The following CACNG8 variants were observed in gnomAD, a reference collection of about 807,000 sequenced individuals.
CACNG8 encodes the protein calcium voltage-gated channel auxiliary subunit gamma 8.
A neutral mutation model predicts 26.9 loss-of-function variants in CACNG8; 5 were observed. The observed-to-expected ratio is 0.19, with a 90% CI of 0.10 to 0.39. CACNG8 has a LOEUF of 0.39. CACNG8 is among the 10% of genes least tolerant of loss of function. The pLI is 1.00. For synonymous variants in CACNG8, 321 were observed against 296.7 expected (o/e 1.08, Z -0.84); for missense variants, 473 against 609.4 (o/e 0.78, Z 2.36).
Position 53,982,521 on chromosome 19 carries a change from G to C in CACNG8, c.950G>C (p.Ser317Thr). 7.4e-6 allele frequency: 10 copies of C among 1,357,500 alleles called. No individual in the cohort carries two copies. Among genetic ancestry groups the C allele is most frequent in the Non-Finnish European group, 9.4e-6 (10 of 1,060,786 alleles). The allele number at this position is 1,357,500 out of a possible 1,614,324, so 84.1% of individuals were successfully genotyped here. A position where few individuals can be genotyped will look rare whatever the true frequency, so the allele number is the denominator to read the frequency against. ...CTCAGCCGCGACCCCTCCAAGGGCA[G>C]CGTGGCCGCGGGGCTGGCGGGGGCC... The change falls in exon 4 of 4, where the codon AGC becomes ACC. Residue 317 changes from serine to threonine, a missense_variant. Coordinates refer to ENST00000270458, the MANE Select transcript of CACNG8 (RefSeq NM_031895.6). The surrounding 1 kb of genome is among the most constrained non-coding windows in gnomAD (Gnocchi z 8.4).
chr19:53,981,993 C>A (rs970423339), intron 3 of CACNG8, 87 bp from the exon 4 acceptor site: 1 of 1,336,640 alleles, frequency 7.5e-7, no homozygotes, highest in African/African-American at 2.1e-5. Context: ...CCTGGGCCCG[C>A]TGGCGCAGGC....
rs1483800765 is a variant in CACNG8, at chr19:53,986,885, A to AG, written c.*4036_*4037insG. ...CCAGAGGCAGCCCCAAAGCCCAGAA[A>AG]AGTAGCAGGTCTTCGAGGAGGCCTG... On this transcript the variant is annotated 3_prime_UTR_variant, in exon 4 of 4. Transcript: ENST00000270458. 5 of 152,098 alleles carry AG rather than the reference A, an allele frequency of 3.3e-5. No individual in the cohort carries two copies. Among genetic ancestry groups the AG allele is most frequent in the African/African-American group, 1.2e-4 (5 of 41,328 alleles). 9.4% of individuals were successfully genotyped at this position (152,098 alleles called of 1,614,324 possible). A position where few individuals can be genotyped will look rare whatever the true frequency, so the allele number is the denominator to read the frequency against.
rs1335289045 is a variant in CACNG8, at chr19:53,963,355, C to G, written c.213C>G (p.Gly71=). 1 of 1,591,780 alleles carries G rather than the reference C, an allele frequency of 6.3e-7. No individual in the cohort carries two copies. The highest frequency in any genetic ancestry group is 1.1e-5 in the South Asian group (1 of 90,070). ...ACGGGACCCCCCACCGCGGGGGCGG[C>G]GGCGCCTCGGAGAAGAAGGACCCCG... The change falls in exon 1 of 4, where the codon GGC becomes GGG. Residue 71 remains glycine (G), a synonymous_variant. Transcript: ENST00000270458.
intron 1 of CACNG8, among the ~76,000 whole-genome samples, chr19:53,966,308 G>T (rs183222148): frequency 2.0e-5 from 3 of 151,910 alleles, no homozygotes; most frequent in Non-Finnish European, 4.4e-5. Flanking sequence ...GGCTGGTCTC[G>T]AACTTCTGAC....
chr19:53,966,138 A>T (rs2069271386), intron 1 of CACNG8, among the ~76,000 whole-genome samples: 1 of 152,120 alleles, frequency 6.6e-6, no homozygotes, highest in African/African-American at 2.4e-5. Context: ...CCCAAGCTGT[A>T]GTGCAGTGGC....
chr19:53,979,805 G>A (rs2069353153), intron 2 of CACNG8, 62 bp from the exon 3 acceptor site: 9 of 1,497,042 alleles, frequency 6.0e-6, no homozygotes, highest in Non-Finnish European at 8.1e-6. Flanking sequence ...GGAAGGGGGC[G>A]CAGGCGGCCG....
intron 2 of CACNG8, 88 bp downstream of exon 2, chr19:53,978,317 G>C: frequency 1.0e-6 from 1 of 973,524 alleles, no homozygotes; most frequent in East Asian, 2.6e-5. Context: ...AAAGGCACTG[G>C]GACTCCGGCA....
At chr19:53,979,638 G>A (rs953232696) in intron 2 of CACNG8, among the ~76,000 whole-genome samples, 1 of 152,092 alleles carries the variant, frequency 6.6e-6, no homozygotes, top group East Asian at 1.9e-4. Context: ...GAAGAAAAAA[G>A]AAAAGGACAA....
Position 53,987,598 on chromosome 19 carries a change from G to A in CACNG8, c.*4749G>A, listed in dbSNP as rs898841286. 6.6e-6 allele frequency: 1 copy of A among 152,266 alleles called. No individual in the cohort carries two copies. The highest frequency in any genetic ancestry group is 2.4e-5 in the African/African-American group (1 of 41,366). The allele number at this position is 152,266 out of a possible 1,614,324, so 9.4% of individuals were successfully genotyped here. ...GAACTGGATGTCATAGAGGAGGGAA[G>A]GAAAAGGAACCAGGAAGAGAAGAAC... is the stretch of plus-strand genomic sequence containing the variant. On this transcript the variant is annotated 3_prime_UTR_variant, in exon 4 of 4. Coordinates refer to ENST00000270458, the MANE Select transcript of CACNG8 (RefSeq NM_031895.6).
At chr19:53,979,796 G>A (rs1004348122) in intron 2 of CACNG8, 71 bp from the exon 3 acceptor site, 2 of 1,483,760 alleles carry the variant, frequency 1.3e-6, no homozygotes, top group South Asian at 1.3e-5. Context: ...GGGGGGCCGG[G>A]AAGGGGGCGC....
intron 1 of CACNG8, among the ~76,000 whole-genome samples, chr19:53,968,096 T>C (rs2069281499): frequency 6.6e-6 from 1 of 151,922 alleles, no homozygotes; most frequent in African/African-American, 2.4e-5. Context: ...AAGAGACAGT[T>C]GGGTGCAGTG....
chr19:53,980,076 G>GTA lies in CACNG8; in HGVS notation c.508+70_508+71insAT, dbSNP rs2069355688. The GTA allele has an allele frequency of 2.1e-6, 3 of 1,440,520 alleles. No individual in the cohort carries two copies. In the South Asian group the frequency reaches 4.2e-5, roughly 20 times the overall value. The allele number at this position is 1,440,520 out of a possible 1,614,324, so 89.2% of individuals were successfully genotyped here. ...CGCGCACGTGTGTGTGTGTGTGTGT[G>GTA]TGTGTGTGTGCGCGCGCGCGCGTGA... On this transcript the variant is annotated intron_variant, in intron 3 of 3. Coordinates refer to ENST00000270458, the MANE Select transcript of CACNG8 (RefSeq NM_031895.6).
rs2069414781 is a variant in CACNG8, at chr19:53,987,529, G to A, written c.*4680G>A. 1 of 152,688 alleles carries A rather than the reference G, an allele frequency of 6.5e-6. No individual in the cohort carries two copies. Among genetic ancestry groups the A allele is most frequent in the Non-Finnish European group, 1.5e-5 (1 of 68,124 alleles). 9.5% of individuals were successfully genotyped at this position (152,688 alleles called of 1,614,324 possible). A position where few individuals can be genotyped will look rare whatever the true frequency, so the allele number is the denominator to read the frequency against. ...TGGAGTTAGTGGGATGGAGGAAGTG[G>A]AAGAAGGCATGGGATTTTGGAGGCT... On this transcript the variant is annotated 3_prime_UTR_variant, in exon 4 of 4. Coordinates refer to ENST00000270458, the MANE Select transcript of CACNG8 (RefSeq NM_031895.6).
rs1443415701 is a variant in CACNG8 at position 53,982,750 on chromosome 19, C to T, written c.1179C>T (p.Pro393=). Residue 393 remains proline, a synonymous_variant, in exon 4 of 4, where the codon CCC becomes CCT. Transcript: ENST00000270458. The surrounding 1 kb of genome is among the most constrained non-coding windows in gnomAD (Gnocchi z 8.4). ...CCGGGCCGCCCGCCCCGCCCGCGCCCGCGCCACCCGCGCCCTCTGCGCCCG... is the reference window on the plus strand; with the variant it reads ...CCGGGCCGCCCGCCCCGCCCGCGCCTGCGCCACCCGCGCCCTCTGCGCCCG... 15 of 1,207,424 alleles carry T rather than the reference C, an allele frequency of 1.2e-5. No homozygotes were observed. The highest frequency in any genetic ancestry group is 3.7e-5 in the East Asian group (1 of 27,188). 74.8% of individuals were successfully genotyped at this position (1,207,424 alleles called of 1,614,324 possible).
chr19:53,972,717 A>G (rs1184599300), intron 1 of CACNG8, among the ~76,000 whole-genome samples: 3 of 152,126 alleles, frequency 2.0e-5, no homozygotes, highest in Non-Finnish European at 4.4e-5. Flanking sequence ...TCACACTACC[A>G]TCCTCAATTT....
Position 53,982,833 on chromosome 19 carries a change from A to C in CACNG8, c.1262A>C (p.Lys421Thr). ...TCCAACACCAACACGCTCAACAGGA[A>C]AACCACGCCTGTGTAGGGGCGCGGC... Residue 421 changes from lysine to threonine, a missense_variant, in exon 4 of 4, where the codon AAA becomes ACA. Lys to Thr is a moderately conservative substitution (Grantham distance 78). Coordinates refer to ENST00000270458, the MANE Select transcript of CACNG8 (RefSeq NM_031895.6). The surrounding 1 kb of genome is among the most constrained non-coding windows in gnomAD (Gnocchi z 8.4). The C allele has an allele frequency of 7.3e-7, 1 of 1,364,920 alleles. No individual in the cohort carries two copies. The highest frequency in any genetic ancestry group is 9.5e-7 in the Non-Finnish European group (1 of 1,052,074). The allele number at this position is 1,364,920 out of a possible 1,614,324, so 84.6% of individuals were successfully genotyped here. A position where few individuals can be genotyped will look rare whatever the true frequency, so the allele number is the denominator to read the frequency against.
chr19:53,980,746 T>C (rs941209786), intron 3 of CACNG8, among the ~76,000 whole-genome samples: 2 of 152,132 alleles, frequency 1.3e-5, no homozygotes, highest in Non-Finnish European at 2.9e-5. Context: ...AGCTAGGGCC[T>C]AGACGAGCAG....
rs1195149836 is a variant in CACNG8 at position 53,979,974 on chromosome 19, A to G, written c.475A>G (p.Ile159Val). Residue 159 changes from isoleucine to valine, a missense_variant, in exon 3 of 4, where the codon ATT (isoleucine) becomes GTT (valine). Coordinates refer to ENST00000270458, the MANE Select transcript of CACNG8 (RefSeq NM_031895.6). ...CGTCTACAAGTCCAAGAGGAACATCATTCTGGGCGCAGGGATCCTGTTCGT... is the reference window on the plus strand; with the variant it reads ...CGTCTACAAGTCCAAGAGGAACATCGTTCTGGGCGCAGGGATCCTGTTCGT... 7.4e-6 allele frequency: 12 copies of G among 1,612,006 alleles called. No individual in the cohort carries two copies. The highest frequency in any genetic ancestry group is 1.7e-5 in the Admixed American group (1 of 59,692).
intron 1 of CACNG8, among the ~76,000 whole-genome samples, chr19:53,964,780 G>A (rs2069262989): frequency 6.6e-6 from 1 of 152,088 alleles, no homozygotes; most frequent in African/African-American, 2.4e-5. Flanking sequence ...GGAAGCAGGA[G>A]TCTTGGGTGC....
Sources: gnomAD v4.1 joint callset for allele counts (sites outside exome capture counted in the v4.1 genomes callset) on GRCh38, gnomAD v4.1.1 for gene constraint, Gnocchi (gnomAD v3.1) non-coding constraint, MANE v1.5 for transcripts, NCBI Gene and HGNC (gene_info 2026-07-23, HGNC 2026-07-21) for gene names.